Variants in EPRS1 observed in about 807,000 individuals in gnomAD.
EPRS1 encodes the protein bifunctional glutamate/proline--tRNA ligase.
Under a neutral mutation model 188.3 loss-of-function variants are expected in EPRS1, and 107 were observed. That is an observed-to-expected ratio of 0.57 (90% CI 0.49 to 0.67). The LOEUF is 0.67. Ranked by LOEUF, EPRS1 falls within the 30% of genes least tolerant of loss-of-function variation. EPRS1 has a pLI of 0.00. For synonymous variants in EPRS1, 596 were observed against 593.1 expected, an observed-to-expected ratio of 1.00 and a Z score of -0.07; for missense variants, 1,577 against 1,802.2, an observed-to-expected ratio of 0.88 and a Z score of 2.26.
rs565416497 is a variant in EPRS1 at position 220,021,262 on chromosome 1, C to A, written c.1116-1041G>T. 1.4e-4 allele frequency among the ~76,000 whole-genome samples: 21 copies of A among 152,140 alleles called. No homozygotes were observed. The South Asian group carries it at 4.2e-3, about 30-fold the overall frequency. On this transcript the variant is annotated intron_variant, in intron 9 of 31. Transcript: ENST00000366923. The stretch of plus-strand genomic sequence containing the variant: ...GGAGTGAAGTGGCATGATCACAACT[C>A]ACTGTAACCTTGAACTCCTGGACTG...
chr1:220,046,476 GT>G lies in EPRS1; in HGVS notation c.-89del. On this transcript the variant is annotated 5_prime_UTR_variant, in exon 1 of 32. Coordinates refer to ENST00000366923, the MANE Select transcript of EPRS1 (RefSeq NM_004446.3). ...CCGCGAAAGGAAGAAGATGCAACGTGTGCGCGTACCCGACGCCGCCGCAGCC... is the reference window on the plus strand; with the variant it reads ...CCGCGAAAGGAAGAAGATGCAACGTGGCGCGTACCCGACGCCGCCGCAGCC... 1.3e-6 allele frequency: 2 copies of G among 1,562,240 alleles called. No homozygotes were observed. Among genetic ancestry groups the G allele is most frequent in the Non-Finnish European group, 1.7e-6 (2 of 1,155,260 alleles).
chr1:220,017,903 C>T (rs571102254), intron 12 of EPRS1, among the ~76,000 whole-genome samples: 3 of 152,068 alleles, frequency 2.0e-5, no homozygotes, highest in Non-Finnish European at 2.9e-5. Context: ...TCTCAGCACA[C>T]AAGGGAATGG....
In EPRS1 at chr1:219,973,096, G is replaced by C. The variant is rs1372068782; in HGVS notation, c.4244+142C>G. 4.5e-6 allele frequency: 3 copies of C among 660,746 alleles called. No homozygotes were observed. In the East Asian group the frequency reaches 8.0e-5, roughly 18 times the overall value. 40.9% of individuals were successfully genotyped at this position (660,746 alleles called of 1,614,324 possible). ...CCATAATACAAGTAAAAAACCCAGA[G>C]AGTGGCAAATTAAGTAGCATGGGGG... On this transcript the variant is annotated intron_variant, in intron 29 of 31. Coordinates refer to ENST00000366923, the MANE Select transcript of EPRS1 (RefSeq NM_004446.3).
Position 220,019,701 on chromosome 1 carries a change from C to A in EPRS1, c.1349+287G>T, listed in dbSNP as rs1260532383. Among the ~76,000 whole-genome samples, 15 of 152,246 alleles carry A rather than the reference C, an allele frequency of 9.9e-5. 1 individual carries two copies. The South Asian group carries it at 3.1e-3, about 32-fold the overall frequency. ...ATCAGTAACCAAATATACCAAGAAC[C>A]AGAAAGTCAAAACTGTTCTTCTATT... On this transcript the variant is annotated intron_variant, in intron 10 of 31. Coordinates refer to ENST00000366923, the MANE Select transcript of EPRS1 (RefSeq NM_004446.3).
Position 220,022,396 on chromosome 1 carries a change from G to A in EPRS1, c.1066C>T (p.Leu356Phe). 3.7e-6 allele frequency: 6 copies of A among 1,614,056 alleles called. No individual in the cohort carries two copies. Among genetic ancestry groups the A allele is most frequent in the Non-Finnish European group, 5.1e-6 (6 of 1,179,962 alleles). Residue 356 changes from leucine (L) to phenylalanine (F), a missense_variant, in exon 9 of 32, where the codon CTT (leucine) becomes TTT (phenylalanine). Transcript: ENST00000366923. ...SNNGCMRDPT[L>F]YRCKIQPHPR... ...TGTGGTTGAATTTTGCAGCGATAAA[G>A]GGTTGGATCTCTCATGCATCCATTG...
intron 14 of EPRS1, among the ~76,000 whole-genome samples, chr1:220,006,892 C>T (rs551401864): frequency 6.6e-6 from 1 of 152,006 alleles, no homozygotes; most frequent in Non-Finnish European, 1.5e-5. Context: ...CTAAAAGATC[C>T]CCATGTCATG....
At position 219,979,544 on chromosome 1, in the gene EPRS1, T is replaced by C. The variant is rs769180681; in HGVS notation, c.3783A>G (p.Ile1261Met). ...MFEIVFEDPK[I>M]PGEKQFAYQN... ...GATAGGCAAATTGCTTCTCTCCTGG[T>C]ATCTTTGGATCTTCAAAAACGATTT... Residue 1261 changes from isoleucine to methionine, a missense_variant, in exon 27 of 32, where the codon ATA becomes ATG. Ile to Met is a conservative substitution (Grantham distance 10). Coordinates refer to ENST00000366923, the MANE Select transcript of EPRS1 (RefSeq NM_004446.3). 1.2e-6 allele frequency: 2 copies of C among 1,613,812 alleles called. No homozygotes were observed. The highest frequency in any genetic ancestry group is 4.5e-5 in the East Asian group (2 of 44,866).
At chr1:219,990,402 T>C (rs1259471913) in intron 18 of EPRS1, among the ~76,000 whole-genome samples, 1 of 152,032 alleles carries the variant, frequency 6.6e-6, no homozygotes, top group African/African-American at 2.4e-5. Flanking sequence ...ATTTGAATTA[T>C]AATATGAAAA....
intron 3 of EPRS1, 113 bp from the exon 4 acceptor site, chr1:220,033,771 T>G (rs1249133894): frequency 5.9e-6 from 4 of 682,972 alleles, no homozygotes; most frequent in Non-Finnish European, 1.0e-5. Flanking sequence ...TACTATGCTT[T>G]TCCTTTCTCA....
chr1:220,032,205 G>C (rs1039764392), intron 5 of EPRS1, among the ~76,000 whole-genome samples, 182 bp downstream of exon 5: 4 of 150,494 alleles, frequency 2.7e-5, no homozygotes, highest in Non-Finnish European at 5.9e-5. Context: ...CTCCCGAGTA[G>C]CTGGGACTAC....
At chr1:220,005,451 A>G (rs1233739691) in intron 15 of EPRS1, 91 bp from the exon 16 acceptor site, 2 of 623,848 alleles carry the variant, frequency 3.2e-6, no homozygotes, top group Admixed American at 3.2e-5. Context: ...TAACTAAAAT[A>G]CTCCCATTTT....
At chr1:220,024,152 AAAAC>A (rs546892593) in intron 8 of EPRS1, 108 bp downstream of exon 8, 301 of 778,560 alleles carry the variant, frequency 3.9e-4, no homozygotes, top group Admixed American at 8.5e-4. Context: ...ACTCCTTCTC[AAAAC>A]AAACAAACAA....
intron 12 of EPRS1, among the ~76,000 whole-genome samples, chr1:220,013,000 G>A (rs960811232): frequency 1.3e-5 from 2 of 152,242 alleles, no homozygotes; most frequent in African/African-American, 2.4e-5. Context: ...GAGAACAGAT[G>A]CAAGGGGTTG....
At chr1:220,033,465 A>G (rs1296478240) in intron 4 of EPRS1, 37 bp downstream of exon 4, 11 of 1,468,142 alleles carry the variant, frequency 7.5e-6, no homozygotes, top group Admixed American at 6.4e-5. Context: ...AAAATATTAA[A>G]CGATTAAAAC....
At chr1:220,038,315 C>T (rs1255931447) in intron 2 of EPRS1, among the ~76,000 whole-genome samples, 2 of 151,240 alleles carry the variant, frequency 1.3e-5, no homozygotes, top group African/African-American at 4.8e-5. Context: ...CTCCTGACCT[C>T]AGGTGATCTG....
At chr1:220,022,955 G>T (rs1661906470) in intron 8 of EPRS1, among the ~76,000 whole-genome samples, 1 of 152,124 alleles carries the variant, frequency 6.6e-6, no homozygotes, top group African/African-American at 2.4e-5. Flanking sequence ...AGAATGGTTT[G>T]GTCCGGCCCT....
chr1:220,007,960 A>T (rs974788061), intron 13 of EPRS1, among the ~76,000 whole-genome samples: 1 of 151,376 alleles, frequency 6.6e-6, no homozygotes, highest in East Asian at 1.9e-4. Context: ...ACAGAAAGTT[A>T]ACTGGGCGTG....
chr1:220,002,654 G>A (rs1363726960), intron 16 of EPRS1, among the ~76,000 whole-genome samples: 1 of 152,096 alleles, frequency 6.6e-6, no homozygotes. Context: ...GAGCCGAGGA[G>A]TTCAAGACTA....
chr1:220,025,046 T>G, intron 7 of EPRS1, 86 bp downstream of exon 7: 1 of 1,345,062 alleles, frequency 7.4e-7, no homozygotes, highest in African/African-American at 1.4e-5. Context: ...AGAACAAAAT[T>G]TATTTTCATA....
Sources: gnomAD v4.1 joint callset for allele counts (sites outside exome capture counted in the v4.1 genomes callset) on GRCh38, gnomAD v4.1.1 for gene constraint, MANE v1.5 for transcripts, NCBI Gene and HGNC (gene_info 2026-07-23, HGNC 2026-07-21) for gene names.